FOXN3: variants seen among roughly 807,000 people sequenced by gnomAD.
FOXN3 encodes forkhead box protein N3.
Under a neutral mutation model 38.4 loss-of-function variants are expected in FOXN3, and 7 were observed. That is an observed-to-expected ratio of 0.18 (90% CI 0.10 to 0.34). FOXN3 has a LOEUF of 0.34. Ranked by LOEUF, FOXN3 falls within the 10% of genes least tolerant of loss-of-function variation. The pLI, the probability that FOXN3 is intolerant of heterozygous loss-of-function variation, is 1.00. For missense variants in FOXN3, 456 were observed against 613.4 expected (o/e 0.74, Z 2.71); for synonymous variants, 230 against 242.2 (o/e 0.95, Z 0.47).
At chr14:89,425,040 GTGTTTTGTTT>G (rs1404417051) in intron 1 of FOXN3, among the ~76,000 whole-genome samples, 2 of 138,348 alleles carry the variant, frequency 1.4e-5, no homozygotes, top group Non-Finnish European at 3.1e-5. Flanking sequence ...TTTTTTTGTT[GTGTTTTGTTT>G]TGTTTTCTTT....
intron 1 of FOXN3, among the ~76,000 whole-genome samples, chr14:89,509,044 C>T (rs1325573265): frequency 6.6e-6 from 1 of 152,180 alleles, no homozygotes; most frequent in South Asian, 2.1e-4. Context: ...GCTCTACCCC[C>T]ACTGATACTG....
chr14:89,162,853 G>T lies in FOXN3; in HGVS notation c.968C>A (p.Ala323Asp), dbSNP rs767596671. Residue 323 changes from alanine (A) to aspartate (D), a missense_variant, in exon 6 of 6, where the codon GCC becomes GAC. Transcript: ENST00000557258. This position sits in a 1 kb window ranked among gnomAD's most constrained non-coding sequence, Gnocchi z 7.2. Reference protein sequence around the residue: ...HNYSSAKSSNARSTSPTSDSI... With the variant: ...HNYSSAKSSNDRSTSPTSDSI... ...GTCGCTGGTGGGCGAGGTGCTCCGG[G>T]CGTTGGAGGACTTGGCACTGCTGTA... 5 of 1,611,558 alleles carry T rather than the reference G, an allele frequency of 3.1e-6. No individual in the cohort carries two copies. The African/African-American group carries it at 4.0e-5, about 13-fold the overall frequency.
intron 4 of FOXN3, among the ~76,000 whole-genome samples, chr14:89,189,051 G>A (rs137968588): frequency 6.6e-6 from 1 of 152,258 alleles, no homozygotes; most frequent in East Asian, 1.9e-4. Flanking sequence ...ACTCTAGACT[G>A]TTCGGAACAG....
intron 1 of FOXN3, among the ~76,000 whole-genome samples, chr14:89,554,759 A>G (rs1895077779): frequency 6.6e-6 from 1 of 151,206 alleles, no homozygotes; most frequent in Admixed American, 6.6e-5. Flanking sequence ...TTTCAGATAT[A>G]ATCTATGTAA....
At chr14:89,614,863 A>G (rs1374135855) in intron 1 of FOXN3, among the ~76,000 whole-genome samples, 1 of 152,206 alleles carries the variant, frequency 6.6e-6, no homozygotes, top group Non-Finnish European at 1.5e-5. Context: ...CGTCTCCCTC[A>G]GGCACTCTTA....
chr14:89,555,786 T>C (rs573868983), intron 1 of FOXN3, among the ~76,000 whole-genome samples: 3 of 150,894 alleles, frequency 2.0e-5, no homozygotes, highest in Non-Finnish European at 2.9e-5. Flanking sequence ...AAAGACCCCA[T>C]TGTAAGTTTG....
intron 1 of FOXN3, among the ~76,000 whole-genome samples, chr14:89,552,036 G>A (rs576808512): frequency 3.9e-5 from 6 of 152,282 alleles, no homozygotes; most frequent in Admixed American, 1.3e-4. Context: ...GATGATCTCC[G>A]GAAAATTAAT....
intron 4 of FOXN3, chr14:89,190,251 C>CT (rs1887908378): frequency 6.2e-6 from 4 of 643,170 alleles, no homozygotes; most frequent in Non-Finnish European, 1.1e-5. Context: ...TAATCATGCA[C>CT]TTATGTAGCT....
intron 2 of FOXN3, among the ~76,000 whole-genome samples, chr14:89,396,599 C>T (rs982797830): frequency 2.0e-5 from 3 of 152,056 alleles, no homozygotes; most frequent in Non-Finnish European, 4.4e-5. Context: ...CTTTGGGAGG[C>T]GAGGCGGGTG....
chr14:89,357,634 A>C (rs1889286086), intron 2 of FOXN3, among the ~76,000 whole-genome samples: 1 of 151,874 alleles, frequency 6.6e-6, no homozygotes, highest in African/African-American at 2.4e-5. Context: ...AGAGAGAGAG[A>C]GCTAGAAACC....
At chr14:89,511,202 CTTTTCTTTCTTTCTTTCTTT>C (rs1894067002) in intron 1 of FOXN3, among the ~76,000 whole-genome samples, 1 of 8,586 alleles carries the variant, frequency 1.2e-4, no homozygotes, top group African/African-American at 1.8e-4. Flanking sequence ...TTCTTTCTTT[CTTTTCTTTCTTTCTTTCTTT>C]CTTTCTTTTC....
chr14:89,360,528 A>G (rs1209789673), intron 2 of FOXN3, among the ~76,000 whole-genome samples: 1 of 138,658 alleles, frequency 7.2e-6, no homozygotes, highest in Non-Finnish European at 1.5e-5. Context: ...GAGAAGGAAA[A>G]AAAGGGACAC....
At chr14:89,395,369 C>A (rs1186404614) in intron 2 of FOXN3, among the ~76,000 whole-genome samples, 1 of 152,172 alleles carries the variant, frequency 6.6e-6, no homozygotes, top group East Asian at 1.9e-4. Flanking sequence ...CAGAGAGGTA[C>A]ACAGCTGGTT....
chr14:89,415,285 G>A (rs1445592245), intron 1 of FOXN3, among the ~76,000 whole-genome samples: 1 of 152,162 alleles, frequency 6.6e-6, no homozygotes, highest in Non-Finnish European at 1.5e-5. Context: ...CTGTTGCTAT[G>A]ACAACATGCT....
At chr14:89,438,832 C>T (rs953779856) in intron 1 of FOXN3, among the ~76,000 whole-genome samples, 1 of 151,778 alleles carries the variant, frequency 6.6e-6, no homozygotes, top group Non-Finnish European at 1.5e-5. Context: ...GGCGCAATCT[C>T]GGCCCACTGC....
chr14:89,190,595 C>T, intron 4 of FOXN3: 1 of 598,094 alleles, frequency 1.7e-6, no homozygotes, highest in Non-Finnish European at 2.9e-6. Context: ...AGGCGACTTT[C>T]TTCCCAGTGG....
intron 1 of FOXN3, among the ~76,000 whole-genome samples, chr14:89,518,240 G>A (rs1596305530): frequency 1.3e-5 from 2 of 152,198 alleles, no homozygotes; most frequent in East Asian, 3.8e-4. Context: ...CTGCCATGAA[G>A]GGCTTTCCCA....
chr14:89,542,720 C>T (rs1894815613), intron 1 of FOXN3, among the ~76,000 whole-genome samples: 1 of 152,198 alleles, frequency 6.6e-6, no homozygotes, highest in Non-Finnish European at 1.5e-5. Context: ...GATGCAAGTG[C>T]CATTTCATTA....
intron 1 of FOXN3, among the ~76,000 whole-genome samples, chr14:89,593,410 G>A (rs1895997852): frequency 6.6e-6 from 1 of 152,146 alleles, no homozygotes; most frequent in Admixed American, 6.5e-5. Flanking sequence ...AGGCCAAGGC[G>A]GGTAGATCAC....
Sources: allele counts gnomAD v4.1 joint callset (sites outside exome capture counted in the v4.1 genomes callset), GRCh38; gene constraint gnomAD v4.1.1; non-coding constraint Gnocchi (gnomAD v3.1); transcripts MANE v1.5; gene names NCBI Gene and HGNC (gene_info 2026-07-23, HGNC 2026-07-21).